CXCR5: variants seen among roughly 807,000 people sequenced by gnomAD.
CXCR5 encodes the protein C-X-C motif chemokine receptor 5, also known as C-X-C chemokine receptor type 5.
CXCR5 carries 3 observed loss-of-function variants against 5.6 expected under a neutral mutation model. The ratio of observed to expected loss-of-function variants is 0.54; its 90% confidence interval spans 0.24 to 1.39. CXCR5 has a LOEUF of 1.39. CXCR5 is among the 40% of genes most tolerant of loss of function. CXCR5 has a pLI of 0.16. For synonymous variants in CXCR5, 218 were observed against 219.9 expected, an observed-to-expected ratio of 0.99 and a Z score of 0.08; for missense variants, 333 against 494.6, an observed-to-expected ratio of 0.67 and a Z score of 3.10.
intron 1 of CXCR5, among the ~76,000 whole-genome samples, chr11:118,888,093 A>C (rs1939745088): frequency 6.6e-6 from 1 of 152,162 alleles, no homozygotes; most frequent in Non-Finnish European, 1.5e-5. Flanking sequence ...AGCCCCAGGC[A>C]GGGCAGGACA....
Position 118,893,458 on chromosome 11 carries a change from T to A in CXCR5, c.52-138T>A. ...AAGTTGGAAAAGACAAAGTGATTTG[T>A]TCAAAATTGAAATTTGAAACTTGAC... On this transcript the variant is annotated intron_variant, in intron 1 of 1. Coordinates refer to ENST00000292174, the MANE Select transcript of CXCR5 (RefSeq NM_001716.5). This position sits in a 1 kb window ranked among gnomAD's most constrained non-coding sequence, Gnocchi z 5.7. 7.0e-7 allele frequency: 1 copy of A among 1,435,190 alleles called. No individual in the cohort carries two copies. The highest frequency in any genetic ancestry group is 9.1e-7 in the Non-Finnish European group (1 of 1,093,016). The allele number at this position is 1,435,190 out of a possible 1,614,324, so 88.9% of individuals were successfully genotyped here.
At chr11:118,889,097 A>T (rs1249530168) in intron 1 of CXCR5, among the ~76,000 whole-genome samples, 1 of 152,024 alleles carries the variant, frequency 6.6e-6, no homozygotes, top group Non-Finnish European at 1.5e-5. Flanking sequence ...GCATCTCCTT[A>T]CACCCCCCAC....
rs1176964984 is a variant in CXCR5 at position 118,895,025 on chromosome 11, C to A, written c.*362C>A. The A allele has an allele frequency of 4.8e-6, 1 of 206,836 alleles. No homozygotes were observed. Among genetic ancestry groups the A allele is most frequent in the Non-Finnish European group, 1.0e-5 (1 of 95,302 alleles). 12.8% of individuals were successfully genotyped at this position (206,836 alleles called of 1,614,324 possible). On this transcript the variant is annotated 3_prime_UTR_variant, in exon 2 of 2. Coordinates refer to ENST00000292174, the MANE Select transcript of CXCR5 (RefSeq NM_001716.5). This position sits in a 1 kb window ranked among gnomAD's most constrained non-coding sequence, Gnocchi z 4.2. ...GCCCTTGCCAACGGAGAGCGCCTGC[C>A]CCTCCCAGAACACACTCCATCAGCT...
chr11:118,889,728 C>T (rs1047827871), intron 1 of CXCR5, among the ~76,000 whole-genome samples: 1 of 152,210 alleles, frequency 6.6e-6, no homozygotes, highest in Non-Finnish European at 1.5e-5. Context: ...CTTACCCTCT[C>T]TGAACGCTGC....
intron 1 of CXCR5, chr11:118,887,382 G>C: frequency 1.0e-6 from 1 of 985,340 alleles, no homozygotes; most frequent in South Asian, 4.7e-5. Context: ...ATCTTGGACT[G>C]TGTGACTCTG....
At chr11:118,886,396 C>T (rs376375212) in intron 1 of CXCR5, 16 of 430,748 alleles carry the variant, frequency 3.7e-5, no homozygotes, top group East Asian at 2.8e-4. Context: ...AAGCCAGGTT[C>T]GTCATTCTGT....
At position 118,893,922 on chromosome 11, in the gene CXCR5, T is replaced by G; in HGVS notation, c.378T>G (p.Ile126Met). Residue 126 changes from isoleucine to methionine, a missense_variant, in exon 2 of 2, where the codon ATT becomes ATG. By Grantham distance (10) the Ile-to-Met change is conservative. Coordinates refer to ENST00000292174, the MANE Select transcript of CXCR5 (RefSeq NM_001716.5). This position sits in a 1 kb window ranked among gnomAD's most constrained non-coding sequence, Gnocchi z 5.7. ...GGACCTTCCTCTGCAAAACTGTGAT[T>G]GCCCTGCACAAAGTCAACTTCTACT... is the stretch of plus-strand genomic sequence containing the variant. Reference protein sequence around the residue: ...VLGTFLCKTVIALHKVNFYCS... With the variant: ...VLGTFLCKTVMALHKVNFYCS... 1 of 1,614,104 alleles carries G rather than the reference T, an allele frequency of 6.2e-7. No individual in the cohort carries two copies. Among genetic ancestry groups the G allele is most frequent in the Non-Finnish European group, 8.5e-7 (1 of 1,180,026 alleles).
chr11:118,884,917 A>G (rs1295529916), intron 1 of CXCR5, among the ~76,000 whole-genome samples: 1 of 152,154 alleles, frequency 6.6e-6, no homozygotes, highest in Non-Finnish European at 1.5e-5. Flanking sequence ...AAACTTCTTC[A>G]CTGTCTTTTC....
rs1371182906 is a variant in CXCR5 at position 118,892,787 on chromosome 11, G to A, written c.52-809G>A. On this transcript the variant is annotated intron_variant, in intron 1 of 1. Transcript: ENST00000292174. ...CTCCTTCTCTCCTGCCAGTCTCCCC[G>A]TGTCGCCCTCACTTTCTCCTGCCTC... Among the ~76,000 whole-genome samples, 19 of 152,180 alleles carry A rather than the reference G, an allele frequency of 1.2e-4. No homozygotes were observed. In the East Asian group the frequency reaches 1.5e-3, roughly 12 times the overall value.
rs1381598839 is a variant in CXCR5, at chr11:118,894,993, T to C, written c.*330T>C. The C allele has an allele frequency of 2.3e-5, 6 of 265,840 alleles. No homozygotes were observed. The East Asian group carries it at 4.5e-4, about 20-fold the overall frequency. The allele number at this position is 265,840 out of a possible 1,614,324, so 16.5% of individuals were successfully genotyped here. On this transcript the variant is annotated 3_prime_UTR_variant, in exon 2 of 2. Transcript: ENST00000292174. The surrounding 1 kb of genome is among the most constrained non-coding windows in gnomAD (Gnocchi z 6.1). ...CATCCAATGCTCAAGAAACAACTTC[T>C]ACTTCTGCCCTTGCCAACGGAGAGC...
At chr11:118,886,331 T>C in intron 1 of CXCR5, 1 of 431,464 alleles carries the variant, frequency 2.3e-6, no homozygotes, top group Admixed American at 2.7e-5. Flanking sequence ...GGCCTTTTGG[T>C]TACACAAACT....
At chr11:118,890,276 T>C (rs1939787933) in intron 1 of CXCR5, among the ~76,000 whole-genome samples, 1 of 152,162 alleles carries the variant, frequency 6.6e-6, no homozygotes. Flanking sequence ...TCTGGGAAAC[T>C]GCTTTCAGAG....
At position 118,894,959 on chromosome 11, in the gene CXCR5, C is replaced by T. The variant is rs1591968740; in HGVS notation, c.*296C>T. 4 of 351,244 alleles carry T rather than the reference C, an allele frequency of 1.1e-5. No individual in the cohort carries two copies. In the East Asian group the frequency reaches 1.8e-4, roughly 16 times the overall value. 21.8% of individuals were successfully genotyped at this position (351,244 alleles called of 1,614,324 possible). A position where few individuals can be genotyped will look rare whatever the true frequency, so the allele number is the denominator to read the frequency against. ...GGCTGAGAGAACCTCACGCACCTCC[C>T]ATCCTAATCATCCAATGCTCAAGAA... On this transcript the variant is annotated 3_prime_UTR_variant, in exon 2 of 2. Transcript: ENST00000292174. The surrounding 1 kb of genome is among the most constrained non-coding windows in gnomAD (Gnocchi z 6.1).
chr11:118,891,871 CAAA>C (rs754547926), intron 1 of CXCR5, among the ~76,000 whole-genome samples: 3 of 34,616 alleles, frequency 8.7e-5, no homozygotes, highest in Non-Finnish European at 1.3e-4. Context: ...AACTCCCCCT[CAAA>C]AAAAAAAAAA....
intron 1 of CXCR5, chr11:118,887,172 C>T (rs1011358872): frequency 1.1e-6 from 1 of 912,050 alleles, no homozygotes; most frequent in Non-Finnish European, 1.3e-6. Flanking sequence ...CCGTCAGGAA[C>T]TCTTGCTTTC....
rs780692954 is a variant in CXCR5, at chr11:118,893,571, C to T, written c.52-25C>T. 10 of 1,546,576 alleles carry T rather than the reference C, an allele frequency of 6.5e-6. No individual in the cohort carries two copies. The highest frequency in any genetic ancestry group is 4.1e-5 in the African/African-American group (3 of 73,004). On this transcript the variant is annotated intron_variant, in intron 1 of 1. Coordinates refer to ENST00000292174, the MANE Select transcript of CXCR5 (RefSeq NM_001716.5). The surrounding 1 kb of genome is among the most constrained non-coding windows in gnomAD (Gnocchi z 5.7). Reference sequence around the variant, plus strand: ...GGAAAGACAGGTCCTTAGGTCCTCACCCTCCCGTCTCCTTGCCCTTGCAGT... The same window carrying T: ...GGAAAGACAGGTCCTTAGGTCCTCATCCTCCCGTCTCCTTGCCCTTGCAGT...
chr11:118,892,264 C>A (rs1250182153), intron 1 of CXCR5, among the ~76,000 whole-genome samples: 8 of 152,182 alleles, frequency 5.3e-5, no homozygotes, highest in Non-Finnish European at 1.0e-4. Context: ...GAGAATGGGT[C>A]TGCTCAGCAT....
chr11:118,889,873 C>T (rs1939780940), intron 1 of CXCR5, among the ~76,000 whole-genome samples: 1 of 152,154 alleles, frequency 6.6e-6, no homozygotes, highest in African/African-American at 2.4e-5. Flanking sequence ...CTCAGTCAGT[C>T]TGGAATCTTT....
Position 118,884,005 on chromosome 11 carries a change from G to C in CXCR5, c.51+13G>C. ...CCTGGAGGACCTGGTGAGTAGACAC[G>C]GGTAGCTTCCTGTCGCCGAGGCCCT... On this transcript the variant is annotated intron_variant, in intron 1 of 1. Transcript: ENST00000292174. 1 of 1,611,966 alleles carries C rather than the reference G, an allele frequency of 6.2e-7. No individual in the cohort carries two copies. The highest frequency in any genetic ancestry group is 8.5e-7 in the Non-Finnish European group (1 of 1,178,868).
Sources: gnomAD v4.1 joint callset for allele counts (sites outside exome capture counted in the v4.1 genomes callset) on GRCh38, gnomAD v4.1.1 for gene constraint, Gnocchi (gnomAD v3.1) non-coding constraint, MANE v1.5 for transcripts, NCBI Gene and HGNC (gene_info 2026-07-23, HGNC 2026-07-21) for gene names.